The following MYH13 variants were observed in gnomAD, a reference collection of about 807,000 sequenced individuals.
MYH13 encodes the protein myosin-13.
A neutral mutation model predicts 232.1 loss-of-function variants in MYH13; 177 were observed. The observed-to-expected ratio is 0.76, with a 90% CI of 0.67 to 0.86. The LOEUF is 0.86. Among genes scored for constraint, MYH13 ranks in the 40% least tolerant of loss-of-function variants. The pLI is 0.00. For missense variants in MYH13, 2,246 were observed against 2,405.9 expected (o/e 0.93, Z 1.39); for synonymous variants, 884 against 923.5 (o/e 0.96, Z 0.78).
chr17:10,310,922 G>T (rs1050556313), intron 33 of MYH13, among the ~76,000 whole-genome samples, 181 bp downstream of exon 33: 1 of 152,228 alleles, frequency 6.6e-6, no homozygotes, highest in African/African-American at 2.4e-5. Flanking sequence ...AACTGTGCCA[G>T]AGAACGCCTA....
chr17:10,321,445 C>G, intron 24 of MYH13, 87 bp downstream of exon 24: 13 of 1,348,966 alleles, frequency 9.6e-6, no homozygotes, highest in Non-Finnish European at 1.3e-5. Context: ...AGTCTGACCT[C>G]TCAAGCCCTG....
At chr17:10,357,918 G>T in intron 7 of MYH13, 91 bp from the exon 8 acceptor site, 1 of 1,162,804 alleles carries the variant, frequency 8.6e-7, no homozygotes, top group South Asian at 1.4e-5. Context: ...CTCTGGGCAG[G>T]TTCAGGTAGA....
At chr17:10,308,161 C>T in intron 35 of MYH13, among the ~76,000 whole-genome samples, 1 of 151,642 alleles carries the variant, frequency 6.6e-6, no homozygotes, top group East Asian at 1.9e-4. Flanking sequence ...CCCGTCTCTA[C>T]AAAAATACAA....
At chr17:10,366,133 G>C (rs1320330234) in intron 2 of MYH13, among the ~76,000 whole-genome samples, 1 of 151,950 alleles carries the variant, frequency 6.6e-6, no homozygotes, top group Non-Finnish European at 1.5e-5. Context: ...CCTCACTCCT[G>C]TCTAAGGTTC....
At chr17:10,332,981 G>A in intron 19 of MYH13, 93 bp downstream of exon 19, 1 of 1,008,748 alleles carries the variant, frequency 9.9e-7, no homozygotes, top group African/African-American at 1.6e-5. Flanking sequence ...GGGGACTTGG[G>A]AGCTCACCAA....
chr17:10,311,355 G>A (rs187646017), intron 32 of MYH13, 128 bp from the exon 33 acceptor site: 168 of 1,159,006 alleles, frequency 1.4e-4, no homozygotes, highest in African/African-American at 3.4e-4. Flanking sequence ...CAGGGCAGCC[G>A]TTCAGATGAG....
intron 11 of MYH13, among the ~76,000 whole-genome samples, chr17:10,352,845 G>A (rs969226626): frequency 6.6e-6 from 1 of 152,152 alleles, no homozygotes; most frequent in Admixed American, 6.5e-5. Context: ...GTCTAAAACT[G>A]CCTCCATACA....
chr17:10,350,508 C>T, intron 12 of MYH13, 48 bp downstream of exon 12: 1 of 1,588,830 alleles, frequency 6.3e-7, no homozygotes, highest in East Asian at 2.2e-5. Context: ...CTCGCCCGCA[C>T]ATGAACATAG....
At position 10,306,741 on chromosome 17, in the gene MYH13, G is replaced by T; in HGVS notation, c.5296-112C>A. 2.0e-6 allele frequency: 3 copies of T among 1,536,098 alleles called. No individual in the cohort carries two copies. The highest frequency in any genetic ancestry group is 2.6e-6 in the Non-Finnish European group (3 of 1,142,778). ...TGCTGAGCCTCCCCTGTCTGACTGG[G>T]GCCAGTCATTGCTGATTCCCCACAG... On this transcript the variant is annotated intron_variant, in intron 36 of 40. Coordinates refer to ENST00000252172, the MANE Select transcript of MYH13 (RefSeq NM_003802.3). This position sits in a 1 kb window ranked among gnomAD's most constrained non-coding sequence, Gnocchi z 4.3.
At chr17:10,346,430 A>G (rs1436357151) in intron 13 of MYH13, among the ~76,000 whole-genome samples, 1 of 152,228 alleles carries the variant, frequency 6.6e-6, no homozygotes, top group Non-Finnish European at 1.5e-5. Flanking sequence ...CATGAATCCC[A>G]GAGGAGCTGG....
intron 5 of MYH13, among the ~76,000 whole-genome samples, chr17:10,360,552 G>T (rs2071783649): frequency 6.6e-6 from 1 of 152,116 alleles, no homozygotes; most frequent in South Asian, 2.1e-4. Flanking sequence ...CTTTTCATCA[G>T]CATTTATAGA....
At chr17:10,332,846 C>A (rs1362578815) in intron 19 of MYH13, among the ~76,000 whole-genome samples, 1 of 152,162 alleles carries the variant, frequency 6.6e-6, no homozygotes, top group Non-Finnish European at 1.5e-5. Flanking sequence ...TTGAGACATC[C>A]TGGTCTAGAG....
intron 22 of MYH13, 130 bp from the exon 23 acceptor site, chr17:10,324,394 A>G: frequency 8.1e-6 from 8 of 990,798 alleles, no homozygotes; most frequent in Non-Finnish European, 1.0e-5. Context: ...ACATGCACGC[A>G]CATGTGCACA....
At chr17:10,311,840 T>C in intron 32 of MYH13, 71 bp downstream of exon 32, 1 of 1,565,472 alleles carries the variant, frequency 6.4e-7, no homozygotes, top group Non-Finnish European at 8.7e-7. Flanking sequence ...GAGATGGCTG[T>C]GGCCAAATGG....
rs778178411 is a variant in MYH13, at chr17:10,354,747, G to A, written c.938C>T (p.Pro313Leu). Reference sequence around the variant, plus strand: ...CGTGACCTCTCCTTGGCTCACGAAGGGGAAGTCGAAGGGGTTGGTGGAGAT... The same window carrying A: ...CGTGACCTCTCCTTGGCTCACGAAGAGGAAGTCGAAGGGGTTGGTGGAGAT... ...LLISTNPFDF[P>L]FVSQGEVTVA... Residue 313 changes from proline (P) to leucine (L), a missense_variant, in exon 11 of 41, where the codon CCC (proline) becomes CTC (leucine). By Grantham distance (98) the Pro-to-Leu change is moderately conservative. Coordinates refer to ENST00000252172, the MANE Select transcript of MYH13 (RefSeq NM_003802.3). 4.3e-6 allele frequency: 7 copies of A among 1,613,806 alleles called. No homozygotes were observed. Among genetic ancestry groups the A allele is most frequent in the Non-Finnish European group, 5.1e-6 (6 of 1,179,896 alleles).
intron 33 of MYH13, 128 bp downstream of exon 33, chr17:10,310,975 G>T: frequency 2.5e-6 from 3 of 1,182,232 alleles, no homozygotes; most frequent in Non-Finnish European, 3.6e-6. Context: ...CCCCTGGGAT[G>T]GCTGAATGTT....
intron 22 of MYH13, 30 bp downstream of exon 22, chr17:10,327,836 G>C: frequency 6.3e-7 from 1 of 1,599,420 alleles, no homozygotes; most frequent in Non-Finnish European, 8.5e-7. Flanking sequence ...CAGAGTCTGT[G>C]TTTTGCGTTC....
chr17:10,311,031 G>T (rs909410034), intron 33 of MYH13, 72 bp downstream of exon 33: 4 of 1,584,106 alleles, frequency 2.5e-6, no homozygotes, highest in East Asian at 4.5e-5. Flanking sequence ...AGGCCCCATG[G>T]GGTGGTGAAG....
At chr17:10,345,123 G>T in intron 15 of MYH13, 79 bp downstream of exon 15, 1 of 1,610,362 alleles carries the variant, frequency 6.2e-7, no homozygotes, top group East Asian at 2.2e-5. Context: ...GCCCCAATCT[G>T]TGAGCAGAAA....
Sources: gnomAD v4.1 joint callset for allele counts (sites outside exome capture counted in the v4.1 genomes callset) on GRCh38, gnomAD v4.1.1 for gene constraint, Gnocchi (gnomAD v3.1) non-coding constraint, MANE v1.5 for transcripts, NCBI Gene and HGNC (gene_info 2026-07-23, HGNC 2026-07-21) for gene names.